Variants in ADGRV1 observed in about 807,000 individuals in gnomAD.
The protein encoded by ADGRV1 is adhesion G protein-coupled receptor V1.
ADGRV1 carries 359 observed loss-of-function variants against 596.2 expected under a neutral mutation model. The ratio of observed to expected loss-of-function variants is 0.60; its 90% confidence interval spans 0.55 to 0.66. The LOEUF is 0.66. Ranked by LOEUF, ADGRV1 falls within the 30% of genes least tolerant of loss-of-function variation. The pLI, the probability that ADGRV1 is intolerant of heterozygous loss-of-function variation, is 0.00. For missense variants in ADGRV1, 7,274 were observed against 7,575.6 expected (o/e 0.96, Z 1.48); for synonymous variants, 2,681 against 2,679.2 (o/e 1.00, Z -0.02).
chr5:90,598,849 C>T (rs567564672), intron 1 of ADGRV1, among the ~76,000 whole-genome samples: 2 of 152,300 alleles, frequency 1.3e-5, no homozygotes, highest in Admixed American at 6.5e-5. Flanking sequence ...ATACTTGTTA[C>T]ATGCTAGGGA....
chr5:90,900,569 A>C (rs1036548161), intron 83 of ADGRV1, among the ~76,000 whole-genome samples: 5 of 152,152 alleles, frequency 3.3e-5, no homozygotes, highest in Admixed American at 1.3e-4. Context: ...CAACAAAAAC[A>C]GATTTCAAGT....
At chr5:91,072,232 A>G (rs906280507) in intron 85 of ADGRV1, among the ~76,000 whole-genome samples, 1 of 152,166 alleles carries the variant, frequency 6.6e-6, no homozygotes, top group African/African-American at 2.4e-5. Flanking sequence ...ACTTTACAAG[A>G]GGTGAATGTT....
At chr5:90,808,463 A>T (rs1762115467) in intron 73 of ADGRV1, among the ~76,000 whole-genome samples, 1 of 152,198 alleles carries the variant, frequency 6.6e-6, no homozygotes, top group Non-Finnish European at 1.5e-5. Flanking sequence ...GTACATGTTT[A>T]TGTGTGGGGG....
At chr5:90,876,878 C>G (rs565910001) in intron 83 of ADGRV1, among the ~76,000 whole-genome samples, 5 of 152,044 alleles carry the variant, frequency 3.3e-5, no homozygotes, top group Admixed American at 3.3e-4. Flanking sequence ...TGTACTATGA[C>G]GCAGTAATGT....
chr5:90,646,080 T>C lies in ADGRV1; in HGVS notation c.3011T>C (p.Ile1004Thr). The change falls in exon 16 of 90, where the codon ATT (isoleucine) becomes ACT (threonine). Residue 1004 changes from isoleucine to threonine, a missense_variant. Transcript: ENST00000405460. ...AGGATTAGAAGAAATGATGACCCCATTTATTTTGCAGGTGGTATTGCTGTC... is the reference window on the plus strand; with the variant it reads ...AGGATTAGAAGAAATGATGACCCCACTTATTTTGCAGGTGGTATTGCTGTC... ...TLRIRRNDDP[I>T]YFAEPRVVRV... The C allele has an allele frequency of 6.4e-7, 1 of 1,570,256 alleles. No homozygotes were observed. The highest frequency in any genetic ancestry group is 8.6e-7 in the Non-Finnish European group (1 of 1,157,046).
chr5:90,711,156 T>C, intron 40 of ADGRV1, 28 bp from the exon 41 acceptor site: 1 of 1,586,360 alleles, frequency 6.3e-7, no homozygotes, highest in Admixed American at 1.8e-5. Context: ...TTTTTTTTGT[T>C]TGTTTTTGTT....
chr5:90,591,840 T>C (rs1414343731), intron 1 of ADGRV1, among the ~76,000 whole-genome samples: 1 of 152,244 alleles, frequency 6.6e-6, no homozygotes, highest in Non-Finnish European at 1.5e-5. Context: ...GGCATTGCGC[T>C]AAGTATATTA....
intron 85 of ADGRV1, among the ~76,000 whole-genome samples, chr5:91,037,156 A>G (rs951573540): frequency 6.6e-6 from 1 of 152,228 alleles, no homozygotes; most frequent in Non-Finnish European, 1.5e-5. Flanking sequence ...ATTGCTGTGC[A>G]TGCAGTGGAC....
intron 21 of ADGRV1, among the ~76,000 whole-genome samples, chr5:90,662,841 T>A (rs1770599045): frequency 1.3e-5 from 2 of 151,982 alleles, no homozygotes; most frequent in Non-Finnish European, 2.9e-5. Context: ...AGTTCCCACC[T>A]ATGAGTGAGA....
intron 87 of ADGRV1, among the ~76,000 whole-genome samples, chr5:91,114,871 C>T (rs550921035): frequency 2.0e-5 from 3 of 152,256 alleles, no homozygotes; most frequent in East Asian, 1.9e-4. Context: ...TCTTTGGAAT[C>T]GTGGCCCCTC....
chr5:90,824,717 A>G (rs1391598632), intron 76 of ADGRV1, among the ~76,000 whole-genome samples: 2 of 152,240 alleles, frequency 1.3e-5, no homozygotes, highest in African/African-American at 2.4e-5. Flanking sequence ...AATGTGCTGT[A>G]TAATGAAACC....
intron 83 of ADGRV1, among the ~76,000 whole-genome samples, chr5:90,867,838 G>A (rs1305667193): frequency 3.9e-5 from 6 of 152,178 alleles, no homozygotes. Flanking sequence ...TTAGTTGGAA[G>A]TTTTTGTTAA....
Position 91,126,539 on chromosome 5 carries a change from A to T in ADGRV1, c.18433-23491A>T, listed in dbSNP as rs552614277. Among the ~76,000 whole-genome samples the T allele has an allele frequency of 4.6e-5, 7 of 152,350 alleles. No individual in the cohort carries two copies. In the South Asian group the frequency reaches 1.0e-3, roughly 23 times the overall value. On this transcript the variant is annotated intron_variant, in intron 87 of 89. Transcript: ENST00000405460. ...GAAGTAGAAATGAGGTCAGCCCCCC[A>T]GAGCAGTCTGGTGGCCTTGAGCAAC...
intron 1 of ADGRV1, among the ~76,000 whole-genome samples, chr5:90,594,964 A>G (rs1199439058): frequency 2.7e-5 from 4 of 147,026 alleles, no homozygotes; most frequent in African/African-American, 7.8e-5. Context: ...CAAAGCCGCC[A>G]TTGTCATCCT....
chr5:91,021,602 T>A (rs938518200), intron 85 of ADGRV1, among the ~76,000 whole-genome samples: 7 of 152,118 alleles, frequency 4.6e-5, no homozygotes, highest in Admixed American at 1.3e-4. Context: ...GAAATAGTCC[T>A]GTCCCATCTC....
intron 89 of ADGRV1, among the ~76,000 whole-genome samples, chr5:91,153,603 GT>G (rs1041688998): frequency 1.3e-5 from 2 of 152,098 alleles, no homozygotes; most frequent in African/African-American, 4.8e-5. Context: ...TTTATAACTT[GT>G]TTTCAAAAAA....
At chr5:90,807,795 C>T (rs1214939882) in intron 73 of ADGRV1, 58 bp downstream of exon 73, 43 of 1,423,346 alleles carry the variant, frequency 3.0e-5, no homozygotes, top group Non-Finnish European at 3.5e-5. Flanking sequence ...TGGAATTCAT[C>T]CATCAAAACA....
rs372666496 is a variant in ADGRV1 at position 90,841,707 on chromosome 5, A to G, written c.17019+722A>G. ...AGATATTTCCTATCAATATATTTAT[A>G]TACAAGAACTGAATGTTTTGAGTAC... On this transcript the variant is annotated intron_variant, in intron 78 of 89. Coordinates refer to ENST00000405460, the MANE Select transcript of ADGRV1 (RefSeq NM_032119.4). Among the ~76,000 whole-genome samples, 14 of 152,318 alleles carry G rather than the reference A, an allele frequency of 9.2e-5. No individual in the cohort carries two copies. In the Middle Eastern group the frequency reaches 0.01, roughly 111 times the overall value.
At chr5:91,100,427 C>T (rs1299189385) in intron 86 of ADGRV1, among the ~76,000 whole-genome samples, 1 of 149,690 alleles carries the variant, frequency 6.7e-6, no homozygotes, top group Non-Finnish European at 1.5e-5. Flanking sequence ...TTGTATGACC[C>T]TATGTGAAAG....
Sources: allele counts gnomAD v4.1 joint callset (sites outside exome capture counted in the v4.1 genomes callset), GRCh38; gene constraint gnomAD v4.1.1; transcripts MANE v1.5; gene names NCBI Gene and HGNC (gene_info 2026-07-23, HGNC 2026-07-21).